NT5DC1: variants seen among roughly 807,000 people sequenced by gnomAD.
NT5DC1 encodes 5'-nucleotidase domain-containing protein 1.
In NT5DC1, 42 loss-of-function variants were observed where a neutral mutation model predicts 59.4. The ratio of observed to expected loss-of-function variants is 0.71; its 90% CI spans 0.55 to 0.92. NT5DC1 has a LOEUF of 0.92. Among genes scored for constraint, NT5DC1 ranks in the 40% least tolerant of loss-of-function variants. NT5DC1 has a pLI of 0.00. For missense variants in NT5DC1, 501 were observed against 537.1 expected (o/e 0.93, Z 0.66); for synonymous variants, 172 against 188.1 (o/e 0.91, Z 0.70).
chr6:116,103,744 C>T (rs1451770852), intron 1 of NT5DC1, among the ~76,000 whole-genome samples: 5 of 152,058 alleles, frequency 3.3e-5, no homozygotes, highest in Non-Finnish European at 4.4e-5. Flanking sequence ...GTGTCCCCCT[C>T]ACATGAGGCC....
At chr6:116,103,893 A>G (rs1272370536) in intron 1 of NT5DC1, among the ~76,000 whole-genome samples, 1 of 151,680 alleles carries the variant, frequency 6.6e-6, no homozygotes, top group Non-Finnish European at 1.5e-5. Flanking sequence ...TGCTTATACT[A>G]AAAAAAAATT....
At chr6:116,234,479 A>G (rs773570039) in intron 8 of NT5DC1, among the ~76,000 whole-genome samples, 1 of 151,778 alleles carries the variant, frequency 6.6e-6, no homozygotes, top group Non-Finnish European at 1.5e-5. Flanking sequence ...AGCTGGGACT[A>G]CAGGTGTGCA....
intron 6 of NT5DC1, among the ~76,000 whole-genome samples, chr6:116,187,678 A>T (rs1398609679): frequency 2.0e-5 from 3 of 152,106 alleles, no homozygotes; most frequent in African/African-American, 7.2e-5. Flanking sequence ...ATAAAACTTG[A>T]TCCCTACTCA....
intron 6 of NT5DC1, among the ~76,000 whole-genome samples, chr6:116,163,141 A>AAAAAATATATATATATAT (rs761718922): frequency 2.4e-4 from 21 of 88,388 alleles, no homozygotes; most frequent in African/African-American, 1.0e-3. Context: ...AAAAAAAAAA[A>AAAAAATATATATATATAT]ATATATATAT....
In NT5DC1 at chr6:116,108,689, A is replaced by G. The variant is rs1778810971; in HGVS notation, c.257+254A>G. Among the ~76,000 whole-genome samples, 2 of 152,220 alleles carry G rather than the reference A, an allele frequency of 1.3e-5. 1 individual carries two copies. The highest frequency in any genetic ancestry group is 1.3e-4 in the Admixed American group (2 of 15,286). ...TTGTAGGACATACAATAGAAAGTTTATAACCTGCTACGTCTCATTGACCAC... is the reference window on the plus strand; with the variant it reads ...TTGTAGGACATACAATAGAAAGTTTGTAACCTGCTACGTCTCATTGACCAC... On this transcript the variant is annotated intron_variant, in intron 3 of 11. Coordinates refer to ENST00000319550, the MANE Select transcript of NT5DC1 (RefSeq NM_152729.3).
In NT5DC1 at chr6:116,151,407, TG is replaced by T. The variant is rs1202070786; in HGVS notation, c.529+33464del. Among the ~76,000 whole-genome samples the T allele has an allele frequency of 3.3e-5, 5 of 152,358 alleles. No homozygotes were observed. In the East Asian group the frequency reaches 9.6e-4, roughly 29 times the overall value. On this transcript the variant is annotated intron_variant, in intron 6 of 11. Transcript: ENST00000319550. ...TTATGTTTTCAACTCATATTGTTTT[TG>T]GTTTATACCCTCTAAGTGATTGTAT...
chr6:116,200,954 G>C (rs939635983), intron 6 of NT5DC1, among the ~76,000 whole-genome samples: 1 of 151,994 alleles, frequency 6.6e-6, no homozygotes, highest in African/African-American at 2.4e-5. Flanking sequence ...ACCAAGGTCT[G>C]AAAGGTTCTC....
In NT5DC1 at chr6:116,246,502, GA is replaced by G. The variant is rs1315741288; in HGVS notation, c.*2480del. On this transcript the variant is annotated 3_prime_UTR_variant, in exon 12 of 12. Coordinates refer to ENST00000319550, the MANE Select transcript of NT5DC1 (RefSeq NM_152729.3). ...ACACACACACACACACACTTTTAGTGAACTGGTTTGAATGAAAATAAATTTA... is the reference window on the plus strand; with the variant it reads ...ACACACACACACACACACTTTTAGTGACTGGTTTGAATGAAAATAAATTTA... 3.2e-5 allele frequency: 4 copies of G among 123,430 alleles called. No individual in the cohort carries two copies. In the East Asian group the frequency reaches 9.3e-4, roughly 29 times the overall value. The allele number at this position is 123,430 out of a possible 1,614,324, so 7.6% of individuals were successfully genotyped here.
Position 116,147,303 on chromosome 6 carries a change from G to A in NT5DC1, c.529+29358G>A, listed in dbSNP as rs143810419. On this transcript the variant is annotated intron_variant, in intron 6 of 11. Transcript: ENST00000319550. ...CTAAAAATACAAAAAGTAGCTGGGC[G>A]TGGTGGCATCTACCTGTAATCCCAG... 4.6e-5 allele frequency among the ~76,000 whole-genome samples: 7 copies of A among 152,010 alleles called. No homozygotes were observed. In the East Asian group the frequency reaches 1.4e-3, roughly 29 times the overall value.
intron 6 of NT5DC1, among the ~76,000 whole-genome samples, chr6:116,194,139 G>A (rs1466216152): frequency 2.0e-5 from 3 of 152,038 alleles, no homozygotes; most frequent in Non-Finnish European, 2.9e-5. Flanking sequence ...GTAGAATGAT[G>A]TCATGGTCCA....
chr6:116,151,453 A>G (rs1780036193), intron 6 of NT5DC1, among the ~76,000 whole-genome samples: 2 of 152,222 alleles, frequency 1.3e-5, no homozygotes, highest in African/African-American at 4.8e-5. Flanking sequence ...GCATTTATAG[A>G]GTAAAATTTT....
chr6:116,125,499 A>G, intron 6 of NT5DC1: 1 of 1,613,524 alleles, frequency 6.2e-7, no homozygotes, highest in Non-Finnish European at 8.5e-7. Context: ...GCATATTCTC[A>G]GATGGATTCT....
At chr6:116,149,844 A>G (rs373376581) in intron 6 of NT5DC1, among the ~76,000 whole-genome samples, 1 of 152,332 alleles carries the variant, frequency 6.6e-6, no homozygotes, top group East Asian at 1.9e-4. Context: ...AGGTGAGGAA[A>G]TTGAGATAAG....
At chr6:116,150,576 C>T (rs532808466) in intron 6 of NT5DC1, among the ~76,000 whole-genome samples, 2 of 152,188 alleles carry the variant, frequency 1.3e-5, no homozygotes, top group African/African-American at 4.8e-5. Context: ...TGAGTCACTG[C>T]ACCTGGCCTT....
intron 6 of NT5DC1, chr6:116,120,656 C>T: frequency 5.2e-6 from 8 of 1,545,656 alleles, no homozygotes; most frequent in Non-Finnish European, 6.9e-6. Context: ...CCCGGTGGGT[C>T]CATTGAGGCC....
intron 6 of NT5DC1, among the ~76,000 whole-genome samples, chr6:116,176,098 T>A (rs1780729271): frequency 6.6e-6 from 1 of 152,176 alleles, no homozygotes; most frequent in Admixed American, 6.5e-5. Flanking sequence ...TTGTGTGAGG[T>A]TGAATCAGTC....
chr6:116,222,171 G>A (rs964606196), intron 7 of NT5DC1, among the ~76,000 whole-genome samples: 2 of 152,174 alleles, frequency 1.3e-5, no homozygotes, highest in African/African-American at 2.4e-5. Flanking sequence ...TATACAGGCT[G>A]ATACATAATA....
chr6:116,125,403 G>A, intron 6 of NT5DC1: 1 of 1,613,818 alleles, frequency 6.2e-7, no homozygotes, highest in Non-Finnish European at 8.5e-7. Flanking sequence ...GGCCTTTTAT[G>A]CCTGTGGGCA....
Position 116,245,102 on chromosome 6 carries a change from A to G in NT5DC1, c.*1078A>G, listed in dbSNP as rs1359061039. On this transcript the variant is annotated 3_prime_UTR_variant, in exon 12 of 12. Coordinates refer to ENST00000319550, the MANE Select transcript of NT5DC1 (RefSeq NM_152729.3). ...GGTAATAATGAACAAAAAGTTTGAG[A>G]AAAAAATGCTTTAATGGGTTTTACA... 3.3e-5 allele frequency: 5 copies of G among 152,168 alleles called. No individual in the cohort carries two copies. The highest frequency in any genetic ancestry group is 2.6e-4 in the Admixed American group (4 of 15,266). The allele number at this position is 152,168 out of a possible 1,614,324, so 9.4% of individuals were successfully genotyped here.
Sources: gnomAD v4.1 joint callset for allele counts (sites outside exome capture counted in the v4.1 genomes callset) on GRCh38, gnomAD v4.1.1 for gene constraint, MANE v1.5 for transcripts, NCBI Gene and HGNC (gene_info 2026-07-23, HGNC 2026-07-21) for gene names.